PTPRO: variants seen among roughly 807,000 people sequenced by gnomAD.
PTPRO encodes the protein protein tyrosine phosphatase receptor type O, also known as receptor-type tyrosine-protein phosphatase O.
In PTPRO, 62 loss-of-function variants were observed where a neutral mutation model predicts 145.2. The ratio of observed to expected loss-of-function variants is 0.43; its 90% confidence interval spans 0.35 to 0.53. The LOEUF (loss-of-function observed/expected upper bound fraction) is 0.53, where lower values mean the gene tolerates loss of function less well. Ranked by LOEUF, PTPRO falls within the 20% of genes least tolerant of loss-of-function variation. The pLI, the probability that PTPRO is intolerant of heterozygous loss-of-function variation, is 0.01. For missense variants in PTPRO, 1,345 were observed against 1,482.7 expected, an observed-to-expected ratio of 0.91 and a Z score of 1.53; for synonymous variants, 565 against 514.7, an observed-to-expected ratio of 1.10 and a Z score of -1.32.
chr12:15,506,993 A>T (rs1430753988), intron 6 of PTPRO, among the ~76,000 whole-genome samples: 2 of 152,172 alleles, frequency 1.3e-5, no homozygotes, highest in African/African-American at 4.8e-5. Flanking sequence ...TGCAGGGTTG[A>T]GAGCATGGAT....
In PTPRO at chr12:15,387,870, C is replaced by T. The variant is rs1171904658; in HGVS notation, c.75+65069C>T. ...CCCAATGACACCAGCCTTAGAAGAA[C>T]AGTTTCTGTGTTACTATTGTCATGC... On this transcript the variant is annotated intron_variant, in intron 1 of 26. Coordinates refer to ENST00000281171, the MANE Select transcript of PTPRO (RefSeq NM_030667.3). Among the ~76,000 whole-genome samples, 3 of 152,144 alleles carry T rather than the reference C, an allele frequency of 2.0e-5. No homozygotes were observed. The East Asian group carries it at 5.8e-4, about 29-fold the overall frequency.
chr12:15,420,168 A>C (rs1231480009), intron 1 of PTPRO, among the ~76,000 whole-genome samples: 1 of 150,636 alleles, frequency 6.6e-6, no homozygotes, highest in African/African-American at 2.5e-5. Context: ...AAAAAAAAAA[A>C]AAAGAGTGTC....
chr12:15,572,460 C>T (rs550438520), intron 19 of PTPRO, among the ~76,000 whole-genome samples: 6 of 152,290 alleles, frequency 3.9e-5, no homozygotes, highest in South Asian at 4.1e-4. Context: ...CATCTGTTAA[C>T]GTTAAGCTAC....
chr12:15,473,435 A>G (rs1212936868), intron 1 of PTPRO, among the ~76,000 whole-genome samples: 1 of 152,152 alleles, frequency 6.6e-6, no homozygotes, highest in African/African-American at 2.4e-5. Flanking sequence ...CGAATTCTGT[A>G]GTGTTTGGAA....
intron 1 of PTPRO, among the ~76,000 whole-genome samples, chr12:15,400,634 A>C (rs1344078218): frequency 4.6e-5 from 7 of 152,266 alleles, no homozygotes; most frequent in East Asian, 3.9e-4. Flanking sequence ...TATTCTATAC[A>C]TTTCCATTGT....
In PTPRO at chr12:15,584,874, C is replaced by A. The variant is rs151134667; in HGVS notation, c.3256-2023C>A. On this transcript the variant is annotated intron_variant, in intron 23 of 26. Coordinates refer to ENST00000281171, the MANE Select transcript of PTPRO (RefSeq NM_030667.3). ...TTAGGAATAGCTAAGTAAGATAAAA[C>A]CAGAAGAGTTTTCTCCTTTAACAAG... Among the ~76,000 whole-genome samples the A allele has an allele frequency of 1.4e-3, 210 of 152,114 alleles. 1 individual carries two copies. Among genetic ancestry groups the A allele is most frequent in the African/African-American group, 4.8e-3 (200 of 41,496 alleles).
intron 1 of PTPRO, among the ~76,000 whole-genome samples, chr12:15,426,672 T>C (rs888242158): frequency 3.3e-5 from 5 of 152,072 alleles, no homozygotes; most frequent in African/African-American, 7.2e-5. Flanking sequence ...AGTTATTCCA[T>C]TGTGCTACCT....
intron 1 of PTPRO, among the ~76,000 whole-genome samples, chr12:15,362,622 G>A (rs1221048452): frequency 6.6e-6 from 1 of 152,006 alleles, no homozygotes; most frequent in Admixed American, 6.6e-5. Flanking sequence ...ATATGGTAGA[G>A]TTTATGAAGT....
intron 1 of PTPRO, among the ~76,000 whole-genome samples, chr12:15,345,419 T>C (rs374304801): frequency 3.9e-5 from 6 of 152,148 alleles, no homozygotes; most frequent in South Asian, 4.1e-4. Flanking sequence ...CATGGTATAC[T>C]ATGCAGCCAT....
chr12:15,377,883 T>C (rs1565595333), intron 1 of PTPRO, among the ~76,000 whole-genome samples: 1 of 152,188 alleles, frequency 6.6e-6, no homozygotes, highest in East Asian at 1.9e-4. Flanking sequence ...AAAAACACAC[T>C]TCTAAATAAC....
chr12:15,504,389 A>G (rs1186850870), intron 6 of PTPRO, among the ~76,000 whole-genome samples: 2 of 152,174 alleles, frequency 1.3e-5, no homozygotes, highest in African/African-American at 2.4e-5. Flanking sequence ...GAAATACGAC[A>G]TTTGTTTGAG....
intron 12 of PTPRO, among the ~76,000 whole-genome samples, chr12:15,535,135 G>A (rs1287276302): frequency 1.3e-5 from 2 of 152,196 alleles, no homozygotes; most frequent in Non-Finnish European, 2.9e-5. Context: ...ACTACAGGAG[G>A]AGGACATTTA....
chr12:15,403,036 T>A (rs1388777369), intron 1 of PTPRO, among the ~76,000 whole-genome samples: 1 of 152,240 alleles, frequency 6.6e-6, no homozygotes, highest in Admixed American at 6.5e-5. Context: ...TTGTGTTATA[T>A]TCCATATGTA....
intron 12 of PTPRO, among the ~76,000 whole-genome samples, chr12:15,535,592 T>C (rs1317977202): frequency 6.6e-6 from 1 of 152,246 alleles, no homozygotes; most frequent in Non-Finnish European, 1.5e-5. Flanking sequence ...TTGAACAAGC[T>C]GGCGCTTAGA....
intron 13 of PTPRO, 121 bp downstream of exon 13, chr12:15,546,829 T>C (rs1366303955): frequency 6.5e-6 from 9 of 1,391,586 alleles, no homozygotes; most frequent in Middle Eastern, 2.3e-4. Flanking sequence ...TTTGCTCTTT[T>C]GTGTTTCACT....
chr12:15,568,480 G>T (rs1010104577), intron 18 of PTPRO, among the ~76,000 whole-genome samples: 1 of 151,432 alleles, frequency 6.6e-6, no homozygotes, highest in African/African-American at 2.4e-5. Flanking sequence ...ACAGTTAGAT[G>T]ATATAAGCTG....
intron 18 of PTPRO, among the ~76,000 whole-genome samples, chr12:15,567,763 G>A (rs955409109): frequency 1.3e-5 from 2 of 152,238 alleles, no homozygotes; most frequent in East Asian, 3.9e-4. Flanking sequence ...AGTGGGAAAA[G>A]CTTTGAACCA....
chr12:15,524,779 A>G (rs1942803470), intron 10 of PTPRO, 35 bp from the exon 11 acceptor site: 2 of 1,588,376 alleles, frequency 1.3e-6, no homozygotes, highest in Non-Finnish European at 1.7e-6. Context: ...TTATCCATCT[A>G]TTATACTAAA....
intron 9 of PTPRO, among the ~76,000 whole-genome samples, chr12:15,518,119 G>A (rs147418818): frequency 0.012 from 1,881 of 152,290 alleles, 35 homozygotes; most frequent in African/African-American, 0.043. Context: ...TGAAATCTAG[G>A]TGGAGGTTCC....
Sources: allele counts gnomAD v4.1 joint callset (sites outside exome capture counted in the v4.1 genomes callset), GRCh38; gene constraint gnomAD v4.1.1; transcripts MANE v1.5; gene names NCBI Gene and HGNC (gene_info 2026-07-23, HGNC 2026-07-21).